Variants in MYH14 observed in about 807,000 individuals in gnomAD.
MYH14 encodes the protein myosin heavy chain 14, also known as myosin-14.
A neutral mutation model predicts 255.5 loss-of-function variants in MYH14; 123 were observed. The ratio of observed to expected loss-of-function variants is 0.48; its 90% CI spans 0.42 to 0.56. The LOEUF (loss-of-function observed/expected upper bound fraction) is 0.56. Among genes scored for constraint, MYH14 ranks in the 20% least tolerant of loss-of-function variants. The probability of loss-of-function intolerance (pLI) is 0.00; values close to 1 mark genes in which losing one functional copy is unlikely to be tolerated. For synonymous variants in MYH14, 1,095 were observed against 1,161.2 expected, an observed-to-expected ratio of 0.94 and a Z score of 1.16; for missense variants, 2,423 against 2,802.3, an observed-to-expected ratio of 0.86 and a Z score of 3.06.
chr19:50,294,320 A>G (rs1442766896), intron 39 of MYH14, among the ~76,000 whole-genome samples: 5 of 151,296 alleles, frequency 3.3e-5, no homozygotes, highest in Non-Finnish European at 7.4e-5. Flanking sequence ...TTCCTGGTGG[A>G]GGTGATGCCT....
At chr19:50,213,156 T>G (rs1790935576) in intron 2 of MYH14, among the ~76,000 whole-genome samples, 3 of 152,150 alleles carry the variant, frequency 2.0e-5, no homozygotes, top group Admixed American at 2.0e-4. Context: ...TTTCACCATG[T>G]TTGTCAGAGC....
At chr19:50,274,416 T>C in intron 27 of MYH14, among the ~76,000 whole-genome samples, 1 of 152,126 alleles carries the variant, frequency 6.6e-6, no homozygotes, top group East Asian at 1.9e-4. Context: ...TGCCTCAGCC[T>C]CCCGAGTGGC....
chr19:50,264,069 A>AAAAAAAC (rs2034991278), intron 22 of MYH14, among the ~76,000 whole-genome samples: 1 of 99,646 alleles, frequency 1.0e-5, no homozygotes. Flanking sequence ...AAAAAAAAAA[A>AAAAAAAC]AAAAAAAGAG....
chr19:50,307,797 GAT>G (rs1448057676), intron 41 of MYH14, among the ~76,000 whole-genome samples: 2 of 152,220 alleles, frequency 1.3e-5, no homozygotes, highest in Non-Finnish European at 2.9e-5. Flanking sequence ...GAGTCACAGA[GAT>G]AGAGCCTGGA....
chr19:50,223,400 C>A (rs1457947441), intron 5 of MYH14, 51 bp downstream of exon 5: 1 of 1,253,486 alleles, frequency 8.0e-7, no homozygotes, highest in Admixed American at 2.0e-5. Flanking sequence ...AGCACTGCCC[C>A]TTCCATCTTG....
At chr19:50,232,991 C>T (rs988701619) in intron 10 of MYH14, among the ~76,000 whole-genome samples, 9 of 152,066 alleles carry the variant, frequency 5.9e-5, no homozygotes, top group Admixed American at 2.0e-4. Flanking sequence ...CCTTGGGGGC[C>T]GTGTGAGAGA....
chr19:50,242,141 T>TTTTATGTGCATTTTGTTTTAGA (rs1208797638), intron 10 of MYH14, among the ~76,000 whole-genome samples: 2 of 152,176 alleles, frequency 1.3e-5, no homozygotes, highest in East Asian at 1.9e-4. Flanking sequence ...CTAGTCCTGG[T>TTTTATGTGCATTTTGTTTTAGA]GACGTCCAGA....
intron 39 of MYH14, among the ~76,000 whole-genome samples, chr19:50,294,086 A>C (rs2036180924): frequency 1.3e-5 from 2 of 152,206 alleles, no homozygotes; most frequent in South Asian, 4.1e-4. Context: ...TTATTTATAA[A>C]TATTTTCTGA....
chr19:50,225,581 G>A lies in MYH14; in HGVS notation c.718-4G>A, dbSNP rs1160836359. On this transcript the variant is annotated splice_polypyrimidine_tract_variant and splice_region_variant and intron_variant, in intron 6 of 42. Transcript: ENST00000642316. ...CCTCATGCATCATCTCCTGTGCCCG[G>A]CAGGGTGAGCTGGAGCGGCAGCTGC... 12 of 1,612,120 alleles carry A rather than the reference G, an allele frequency of 7.4e-6. 1 individual carries two copies. The Admixed American group carries it at 1.8e-4, about 25-fold the overall frequency.
Position 50,249,006 on chromosome 19 carries a change from C to T in MYH14, c.1349C>T (p.Ala450Val), listed in dbSNP as rs773641347. ...TKEQADFALE[A>V]LAKATYERLF... is the part of the protein sequence containing the mutation. ...CCACAGGCTGACTTCGCGCTGGAGG[C>T]CCTGGCCAAGGCCACCTACGAGCGC... The change falls in exon 13 of 43, where the codon GCC becomes GTC. Residue 450 changes from alanine (A) to valine (V), a missense_variant. Transcript: ENST00000642316. 1 of 1,613,648 alleles carries T rather than the reference C, an allele frequency of 6.2e-7. No homozygotes were observed. Among genetic ancestry groups the T allele is most frequent in the Admixed American group, 1.7e-5 (1 of 60,006 alleles).
chr19:50,257,638 G>A (rs1316349650), intron 18 of MYH14, among the ~76,000 whole-genome samples, 152 bp downstream of exon 18: 5 of 152,184 alleles, frequency 3.3e-5, no homozygotes, highest in African/African-American at 7.2e-5. Context: ...CTCAGGGTCC[G>A]GTTGGGAAAA....
Position 50,278,209 on chromosome 19 carries a change from C to T in MYH14, c.3952C>T (p.Gln1318Ter), listed in dbSNP as rs1568531390. Residue 1318 changes from glutamine to a stop codon, truncating the protein, a stop_gained, in exon 30 of 43, where the codon CAG becomes TAG. Transcript: ENST00000642316. LOFTEE classifies it high-confidence loss of function. ...GCAGCGGAGGCGCCGCCTGGAGTTA[C>T]AGCTGCAGGAGGTGCAGGGCCGGGC... ...GEQRRRRLEL[Q>*]LQEVQGRAGD... 1.2e-6 allele frequency: 2 copies of T among 1,608,376 alleles called. No homozygotes were observed. Among genetic ancestry groups the T allele is most frequent in the Non-Finnish European group, 1.7e-6 (2 of 1,177,816 alleles).
Position 50,276,918 on chromosome 19 carries a change from G to A in MYH14, c.3825+17G>A, listed in dbSNP as rs778780296. The A allele has an allele frequency of 1.9e-6, 3 of 1,574,734 alleles. No individual in the cohort carries two copies. Among genetic ancestry groups the A allele is most frequent in the Admixed American group, 3.5e-5 (2 of 56,488 alleles). The stretch of plus-strand genomic sequence containing the variant: ...GCCCGGAGGGTGGGTTGGGGCAGGG[G>A]GACAGGGCAGGGGGGCCACGGGGAG... On this transcript the variant is annotated intron_variant, in intron 29 of 42. Coordinates refer to ENST00000642316, the MANE Select transcript of MYH14 (RefSeq NM_001145809.2). This position sits in a 1 kb window ranked among gnomAD's most constrained non-coding sequence, Gnocchi z 4.3.
chr19:50,299,570 C>CAAAAAA (rs4002409), intron 39 of MYH14, among the ~76,000 whole-genome samples: 2 of 57,620 alleles, frequency 3.5e-5, no homozygotes, highest in African/African-American at 1.5e-4. Flanking sequence ...GACTCCATCT[C>CAAAAAA]AAAAAAAAAA....
chr19:50,244,137 T>G, intron 10 of MYH14, 105 bp from the exon 11 acceptor site: 1 of 863,256 alleles, frequency 1.2e-6, no homozygotes, highest in Non-Finnish European at 1.9e-6. Flanking sequence ...TGAGGGGTGG[T>G]GATATAATTT....
At chr19:50,304,463 A>G (rs7246628) in intron 40 of MYH14, among the ~76,000 whole-genome samples, 121,720 of 151,994 alleles carry the variant, frequency 0.8, 49,182 homozygotes, top group Non-Finnish European at 0.85. Flanking sequence ...AGTAATGGAC[A>G]CCTGTAATCC....
In MYH14 at chr19:50,276,905, G is replaced by T; in HGVS notation, c.3825+4G>T. The T allele has an allele frequency of 6.2e-7, 1 of 1,604,634 alleles. No individual in the cohort carries two copies. The highest frequency in any genetic ancestry group is 8.5e-7 in the Non-Finnish European group (1 of 1,176,192). On this transcript the variant is annotated splice_donor_region_variant and intron_variant, in intron 29 of 42. Transcript: ENST00000642316. The surrounding 1 kb of genome is among the most constrained non-coding windows in gnomAD (Gnocchi z 4.3). ...GCAGCTGGAGCAGGCCCGGAGGGTG[G>T]GTTGGGGCAGGGGGACAGGGCAGGG...
intron 1 of MYH14, among the ~76,000 whole-genome samples, chr19:50,208,234 G>A (rs898451604): frequency 2.6e-5 from 4 of 152,164 alleles, no homozygotes; most frequent in Non-Finnish European, 4.4e-5. Flanking sequence ...GGCCAACATG[G>A]TGAAACCCCA....
In MYH14 at chr19:50,247,779, A is replaced by G. The variant is rs112337734; in HGVS notation, c.1329+657A>G. 2.9e-3 allele frequency among the ~76,000 whole-genome samples: 438 copies of G among 151,770 alleles called. 2 individuals are homozygous for G. Among genetic ancestry groups the G allele is most frequent in the African/African-American group, 0.01 (423 of 41,394 alleles). On this transcript the variant is annotated intron_variant, in intron 12 of 42. Coordinates refer to ENST00000642316, the MANE Select transcript of MYH14 (RefSeq NM_001145809.2). The stretch of plus-strand genomic sequence containing the variant: ...GGGAGTTGGGAACATTAAGCAGGTC[A>G]GTGAGGCCGGGTGTGGGGGCTCATG...
Sources: gnomAD v4.1 joint callset for allele counts (sites outside exome capture counted in the v4.1 genomes callset) on GRCh38, gnomAD v4.1.1 for gene constraint, Gnocchi (gnomAD v3.1) non-coding constraint, MANE v1.5 for transcripts, NCBI Gene and HGNC (gene_info 2026-07-23, HGNC 2026-07-21) for gene names.